Variants in GPR158 observed in about 807,000 individuals in gnomAD.
GPR158 encodes G protein-coupled receptor 158.
Under a neutral mutation model 78.2 loss-of-function variants are expected in GPR158, and 30 were observed. The ratio of observed to expected loss-of-function variants is 0.38; its 90% CI spans 0.29 to 0.52. GPR158 has a LOEUF of 0.52. Ranked by LOEUF, GPR158 falls within the 20% of genes least tolerant of loss-of-function variation. The pLI, the probability that GPR158 is intolerant of heterozygous loss-of-function variation, is 0.83. For synonymous variants in GPR158, 581 were observed against 591.1 expected, an observed-to-expected ratio of 0.98 and a Z score of 0.25; for missense variants, 1,463 against 1,523.5, an observed-to-expected ratio of 0.96 and a Z score of 0.66.
At chr10:25,406,386 C>G (rs966192965) in intron 3 of GPR158, among the ~76,000 whole-genome samples, 9 of 152,172 alleles carry the variant, frequency 5.9e-5, no homozygotes, top group African/African-American at 2.2e-4. Flanking sequence ...ATATCCAACT[C>G]AGTAATCTAC....
At chr10:25,370,877 G>C (rs950624568) in intron 2 of GPR158, among the ~76,000 whole-genome samples, 2 of 151,798 alleles carry the variant, frequency 1.3e-5, no homozygotes, top group Non-Finnish European at 2.9e-5. Context: ...ATATATTAAG[G>C]ATAGTTAGCT....
intron 4 of GPR158, among the ~76,000 whole-genome samples, chr10:25,423,522 G>A (rs533196593): frequency 2.0e-5 from 3 of 151,948 alleles, no homozygotes; most frequent in South Asian, 4.2e-4. Flanking sequence ...TTCTCTTAAT[G>A]CTATCCGTCC....
At chr10:25,443,486 C>T (rs915700187) in intron 4 of GPR158, among the ~76,000 whole-genome samples, 1 of 146,650 alleles carries the variant, frequency 6.8e-6, no homozygotes, top group African/African-American at 2.5e-5. Context: ...ACCTGGGAGG[C>T]AGAAGTTACA....
At chr10:25,228,232 G>A (rs1331984356) in intron 2 of GPR158, among the ~76,000 whole-genome samples, 1 of 151,998 alleles carries the variant, frequency 6.6e-6, no homozygotes, top group African/African-American at 2.4e-5. Context: ...TTATGATTGT[G>A]CCCCTGCACT....
At chr10:25,252,254 T>G (rs889476478) in intron 2 of GPR158, among the ~76,000 whole-genome samples, 2 of 150,990 alleles carry the variant, frequency 1.3e-5, no homozygotes, top group African/African-American at 4.8e-5. Context: ...TTGCCTTTGG[T>G]TTGAATGTCC....
chr10:25,403,906 A>G (rs552328998), intron 3 of GPR158, among the ~76,000 whole-genome samples: 1 of 152,176 alleles, frequency 6.6e-6, no homozygotes, highest in South Asian at 2.1e-4. Context: ...TGAGTATCCA[A>G]TATGTATAAA....
At chr10:25,254,063 A>G (rs997517328) in intron 2 of GPR158, among the ~76,000 whole-genome samples, 1 of 152,160 alleles carries the variant, frequency 6.6e-6, no homozygotes, top group African/African-American at 2.4e-5. Flanking sequence ...CAATTCCCTT[A>G]TGGATCATTA....
chr10:25,375,456 A>G (rs1342196719), intron 2 of GPR158, among the ~76,000 whole-genome samples: 1 of 87,442 alleles, frequency 1.1e-5, no homozygotes, highest in Non-Finnish European at 3.1e-5. Flanking sequence ...CTGACTTCTA[A>G]TGTTTTTCTC....
chr10:25,483,740 A>C (rs1317024407), intron 5 of GPR158, among the ~76,000 whole-genome samples: 2 of 152,200 alleles, frequency 1.3e-5, no homozygotes, highest in Non-Finnish European at 2.9e-5. Flanking sequence ...ATAGATTAAC[A>C]TGTGGAGTAT....
intron 3 of GPR158, among the ~76,000 whole-genome samples, chr10:25,410,662 T>C (rs1834570869): frequency 6.6e-6 from 1 of 152,106 alleles, no homozygotes; most frequent in South Asian, 2.1e-4. Context: ...CCACAGCAAT[T>C]CATGTTTCAT....
intron 1 of GPR158, among the ~76,000 whole-genome samples, chr10:25,188,083 G>A (rs983058360): frequency 2.0e-5 from 3 of 152,160 alleles, no homozygotes; most frequent in Non-Finnish European, 4.4e-5. Flanking sequence ...CAAGGGATGT[G>A]AAGGACCTCT....
chr10:25,416,218 G>A (rs1308397567), intron 4 of GPR158, among the ~76,000 whole-genome samples: 2 of 152,098 alleles, frequency 1.3e-5, no homozygotes, highest in African/African-American at 4.8e-5. Context: ...GGCCAAGTAT[G>A]ACATTTAAAG....
At chr10:25,548,420 A>G (rs1310545195) in intron 5 of GPR158, among the ~76,000 whole-genome samples, 2 of 152,228 alleles carry the variant, frequency 1.3e-5, no homozygotes, top group Non-Finnish European at 2.9e-5. Flanking sequence ...CAAAGCATAA[A>G]TAAATCAACT....
At chr10:25,378,545 AT>A (rs1834115572) in intron 2 of GPR158, among the ~76,000 whole-genome samples, 1 of 150,376 alleles carries the variant, frequency 6.6e-6, no homozygotes, top group Admixed American at 6.6e-5. Context: ...CTCTTTTCTT[AT>A]GTTATTTGGT....
chr10:25,411,893 C>CACT (rs769020270), intron 3 of GPR158, among the ~76,000 whole-genome samples: 80 of 124,124 alleles, frequency 6.4e-4, no homozygotes, highest in Non-Finnish European at 1.0e-3. Context: ...GAGATCGCGC[C>CACT]ACTGCACTCC....
chr10:25,538,271 A>G (rs1836526656), intron 5 of GPR158, among the ~76,000 whole-genome samples: 1 of 152,174 alleles, frequency 6.6e-6, no homozygotes, highest in Admixed American at 6.6e-5. Flanking sequence ...CAGATATTTT[A>G]GATGAATATC....
intron 2 of GPR158, among the ~76,000 whole-genome samples, chr10:25,310,426 G>A (rs903741230): frequency 2.6e-5 from 4 of 151,884 alleles, no homozygotes; most frequent in East Asian, 1.9e-4. Flanking sequence ...TTGTGTTTTC[G>A]AAAAAATATT....
At chr10:25,532,832 A>G (rs1033636478) in intron 5 of GPR158, among the ~76,000 whole-genome samples, 1 of 152,106 alleles carries the variant, frequency 6.6e-6, no homozygotes, top group Admixed American at 6.6e-5. Flanking sequence ...ATTCAGAGAT[A>G]GTCTTCATGG....
intron 5 of GPR158, among the ~76,000 whole-genome samples, chr10:25,512,659 C>T (rs967650449): frequency 6.6e-6 from 1 of 151,956 alleles, no homozygotes; most frequent in African/African-American, 2.4e-5. Context: ...ATAATGTTGG[C>T]TGTGGATTTG....
Sources: gnomAD v4.1 joint callset for allele counts (sites outside exome capture counted in the v4.1 genomes callset) on GRCh38, gnomAD v4.1.1 for gene constraint, MANE v1.5 for transcripts, NCBI Gene and HGNC (gene_info 2026-07-23, HGNC 2026-07-21) for gene names.